PIP5K1C: variants seen among roughly 807,000 people sequenced by gnomAD.
The protein encoded by PIP5K1C is phosphatidylinositol-4-phosphate 5-kinase type 1 gamma.
In PIP5K1C, 45 loss-of-function variants were observed where a neutral mutation model predicts 80.1. The ratio of observed to expected loss-of-function variants is 0.56; its 90% CI spans 0.44 to 0.72. The LOEUF (loss-of-function observed/expected upper bound fraction) is 0.72. Among genes scored for constraint, PIP5K1C ranks in the 30% least tolerant of loss-of-function variants. The pLI is 0.00. For synonymous variants in PIP5K1C, 498 were observed against 420.1 expected (o/e 1.19, Z -2.27); for missense variants, 753 against 954.6 (o/e 0.79, Z 2.78).
rs1191110746 is a variant in PIP5K1C, at chr19:3,630,681, A to G, written c.*2486T>C. ...GGGGACAGAGCCTGGCAGGAGACACATGGAAGTTTCCGCCTTGTCAGTCTC... is the reference window on the plus strand; with the variant it reads ...GGGGACAGAGCCTGGCAGGAGACACGTGGAAGTTTCCGCCTTGTCAGTCTC... On this transcript the variant is annotated 3_prime_UTR_variant, in exon 18 of 18. Coordinates refer to ENST00000335312, the MANE Select transcript of PIP5K1C (RefSeq NM_012398.3). The G allele has an allele frequency of 6.6e-6, 1 of 152,508 alleles. No individual in the cohort carries two copies. Among genetic ancestry groups the G allele is most frequent in the African/African-American group, 2.4e-5 (1 of 41,428 alleles). The allele number at this position is 152,508 out of a possible 1,614,324, so 9.4% of individuals were successfully genotyped here.
intron 1 of PIP5K1C, among the ~76,000 whole-genome samples, chr19:3,684,762 G>A (rs1034349886): frequency 4.6e-5 from 7 of 152,224 alleles, no homozygotes; most frequent in African/African-American, 1.2e-4. Context: ...CACCCGGCAC[G>A]TAGGGCCCAG....
intron 16 of PIP5K1C, among the ~76,000 whole-genome samples, chr19:3,634,296 C>A (rs1203126690): frequency 6.6e-6 from 1 of 152,122 alleles, no homozygotes; most frequent in South Asian, 2.1e-4. Flanking sequence ...GAGCCCCCAC[C>A]CCCTCAAGCT....
intron 16 of PIP5K1C, among the ~76,000 whole-genome samples, chr19:3,633,960 G>A (rs914815693): frequency 2.0e-5 from 3 of 152,152 alleles, no homozygotes; most frequent in Non-Finnish European, 4.4e-5. Flanking sequence ...CTGGGAGGTC[G>A]GGGTGCCGGA....
intron 1 of PIP5K1C, among the ~76,000 whole-genome samples, chr19:3,670,831 CGGAG>C: frequency 6.6e-6 from 1 of 151,836 alleles, no homozygotes; most frequent in African/African-American, 2.4e-5. Flanking sequence ...GGGACGGGGA[CGGAG>C]GGAGTGGGGT....
chr19:3,684,976 C>A (rs1002792085), intron 1 of PIP5K1C, among the ~76,000 whole-genome samples: 5 of 152,210 alleles, frequency 3.3e-5, no homozygotes, highest in Admixed American at 3.3e-4. Context: ...TAATTTGCAA[C>A]TTCCATCCTT....
chr19:3,663,106 T>A (rs1315873024), intron 3 of PIP5K1C, among the ~76,000 whole-genome samples: 1 of 152,194 alleles, frequency 6.6e-6, no homozygotes, highest in Non-Finnish European at 1.5e-5. Flanking sequence ...CCTCTGGTGA[T>A]CCTCCCGCCT....
chr19:3,636,152 G>A (rs1352279990), intron 16 of PIP5K1C, among the ~76,000 whole-genome samples: 4 of 152,038 alleles, frequency 2.6e-5, no homozygotes, highest in Admixed American at 6.6e-5. Context: ...GCAAGACTCC[G>A]TCTCAAAAAA....
In PIP5K1C at chr19:3,691,593, T is replaced by TACCCCGCCTGGCCCGTCCCTTCC. The variant is rs1555731121; in HGVS notation, c.94+8681_94+8703dup. On this transcript the variant is annotated intron_variant, in intron 1 of 17. Transcript: ENST00000335312. ...CCATCCTAGGCACACCCAGCCCATC[T>TACCCCGCCTGGCCCGTCCCTTCC]ACCCCGCCTGGCCCGTCCCTTCCAA... is the stretch of plus-strand genomic sequence containing the variant. Among the ~76,000 whole-genome samples, 8 of 151,962 alleles carry TACCCCGCCTGGCCCGTCCCTTCC rather than the reference T, an allele frequency of 5.3e-5. No homozygotes were observed. The East Asian group carries it at 5.8e-4, about 11-fold the overall frequency.
Position 3,692,389 on chromosome 19 carries a change from G to T in PIP5K1C, c.94+7908C>A, listed in dbSNP as rs1330004021. The stretch of plus-strand genomic sequence containing the variant: ...CTCCCTCGCAGCTCGGCCATGCTGG[G>T]CCCCGGCGGCCCCCATGCTGCCCTT... On this transcript the variant is annotated intron_variant, in intron 1 of 17. Transcript: ENST00000335312. This position sits in a 1 kb window ranked among gnomAD's most constrained non-coding sequence, Gnocchi z 5.2. Among the ~76,000 whole-genome samples, 1 of 152,190 alleles carries T rather than the reference G, an allele frequency of 6.6e-6. No homozygotes were observed. Among genetic ancestry groups the T allele is most frequent in the Non-Finnish European group, 1.5e-5 (1 of 68,026 alleles).
At chr19:3,646,811 C>T (rs544612013) in intron 10 of PIP5K1C, among the ~76,000 whole-genome samples, 3 of 152,130 alleles carry the variant, frequency 2.0e-5, no homozygotes, top group Non-Finnish European at 4.4e-5. Context: ...TGTGGTCACA[C>T]AGACGTTAGT....
At position 3,661,863 on chromosome 19, in the gene PIP5K1C, C is replaced by T. The variant is rs199554038; in HGVS notation, c.350+8G>A. The T allele has an allele frequency of 9.5e-5, 153 of 1,611,030 alleles. 1 individual carries two copies. In the African/African-American group the frequency reaches 1.3e-3, roughly 14 times the overall value. Reference sequence around the variant, plus strand: ...GGTGAGCCCTGAGGCTCCGGGGGCCCGGCCCACCTGGGGAAGAAGATGCTC... The same window carrying T: ...GGTGAGCCCTGAGGCTCCGGGGGCCTGGCCCACCTGGGGAAGAAGATGCTC... On this transcript the variant is annotated splice_region_variant and intron_variant, in intron 4 of 17. Transcript: ENST00000335312.
chr19:3,647,463 G>A (rs1160004859), intron 9 of PIP5K1C, 77 bp from the exon 10 acceptor site: 46 of 1,240,852 alleles, frequency 3.7e-5, no homozygotes, highest in Non-Finnish European at 5.1e-5. Context: ...GGGCCACTGT[G>A]CACCCCCCAG....
At position 3,640,879 on chromosome 19, in the gene PIP5K1C, G is replaced by C. The variant is rs534795950; in HGVS notation, c.1787+826C>G. On this transcript the variant is annotated intron_variant, in intron 15 of 17. Coordinates refer to ENST00000335312, the MANE Select transcript of PIP5K1C (RefSeq NM_012398.3). The stretch of plus-strand genomic sequence containing the variant: ...TTTTTGCTATTTTTTAGTAGAGATG[G>C]GGTTTCACCATGTTAGCCAGGATGG... Among the ~76,000 whole-genome samples, 19 of 151,960 alleles carry C rather than the reference G, an allele frequency of 1.3e-4. No individual in the cohort carries two copies. In the South Asian group the frequency reaches 2.5e-3, roughly 20 times the overall value.
At chr19:3,655,276 G>A (rs917050143) in intron 6 of PIP5K1C, among the ~76,000 whole-genome samples, 2 of 151,904 alleles carry the variant, frequency 1.3e-5, no homozygotes, top group African/African-American at 4.8e-5. Context: ...AAAATAGCCA[G>A]GCGTGGTGGC....
intron 1 of PIP5K1C, among the ~76,000 whole-genome samples, chr19:3,675,045 C>T (rs1189518402): frequency 6.6e-6 from 1 of 152,130 alleles, no homozygotes; most frequent in African/African-American, 2.4e-5. Flanking sequence ...CCAGGACAGG[C>T]TGATCCAGAG....
chr19:3,637,440 C>T lies in PIP5K1C; in HGVS notation c.1920+1444G>A, dbSNP rs192625151. The T allele has an allele frequency of 1.6e-4, 243 of 1,535,676 alleles. No homozygotes were observed. The East Asian group carries it at 5.5e-3, about 35-fold the overall frequency. ...CAAAGCCCTTCTGGAAAACAACTGA[C>T]GTCAGACACTGAGCTTCCGGCCGGG... On this transcript the variant is annotated intron_variant, in intron 16 of 17. Coordinates refer to ENST00000335312, the MANE Select transcript of PIP5K1C (RefSeq NM_012398.3). This position sits in a 1 kb window ranked among gnomAD's most constrained non-coding sequence, Gnocchi z 7.0.
rs1330654806 is a variant in PIP5K1C, at chr19:3,638,882, A to G, written c.1920+2T>C. ...GCGGCAGGAGGAGCCCGGGGCACTTACAAAGTAGATGTCGGTGGCGGGCGC... is the reference window on the plus strand; with the variant it reads ...GCGGCAGGAGGAGCCCGGGGCACTTGCAAAGTAGATGTCGGTGGCGGGCGC... On this transcript the variant is annotated splice_donor_variant, in intron 16 of 17. Transcript: ENST00000335312. LOFTEE classifies it high-confidence loss of function. The G allele has an allele frequency of 5.0e-6, 8 of 1,613,174 alleles. No individual in the cohort carries two copies. The highest frequency in any genetic ancestry group is 6.8e-6 in the Non-Finnish European group (8 of 1,179,926).
At chr19:3,666,328 G>A (rs1379619901) in intron 2 of PIP5K1C, among the ~76,000 whole-genome samples, 2 of 152,200 alleles carry the variant, frequency 1.3e-5, no homozygotes, top group Non-Finnish European at 2.9e-5. Flanking sequence ...ACCCCACTGC[G>A]CCCACTGGGG....
chr19:3,636,707 G>T (rs759535293), intron 16 of PIP5K1C: 16 of 986,266 alleles, frequency 1.6e-5, no homozygotes, highest in Non-Finnish European at 1.4e-5. Flanking sequence ...ACTCCACAGT[G>T]CCTGGCACAC....
Sources: allele counts gnomAD v4.1 joint callset (sites outside exome capture counted in the v4.1 genomes callset), GRCh38; gene constraint gnomAD v4.1.1; non-coding constraint Gnocchi (gnomAD v3.1); transcripts MANE v1.5; gene names NCBI Gene and HGNC (gene_info 2026-07-23, HGNC 2026-07-21).